The following VWF variants were observed in gnomAD, a reference collection of about 807,000 sequenced individuals.
The protein encoded by VWF is Factor VIII related antigen.
Under a neutral mutation model 308.6 loss-of-function variants are expected in VWF, and 176 were observed. The ratio of observed to expected loss-of-function variants is 0.57; its 90% CI spans 0.50 to 0.65. The LOEUF (loss-of-function observed/expected upper bound fraction) is 0.65. VWF is among the 30% of genes least tolerant of loss of function. The probability of loss-of-function intolerance (pLI) is 0.00; values close to 1 mark genes in which losing one functional copy is unlikely to be tolerated. For synonymous variants in VWF, 1,385 were observed against 1,443.4 expected (o/e 0.96, Z 0.92); for missense variants, 3,146 against 3,648.2 (o/e 0.86, Z 3.55).
chr12:6,059,127 T>C (rs1428851858), intron 13 of VWF, among the ~76,000 whole-genome samples: 4 of 152,168 alleles, frequency 2.6e-5, no homozygotes, highest in African/African-American at 9.7e-5. Context: ...AAGTAAACAC[T>C]GTTAAGAAAG....
At chr12:6,038,384 CAG>C (rs908483342) in intron 18 of VWF, among the ~76,000 whole-genome samples, 1 of 152,244 alleles carries the variant, frequency 6.6e-6, no homozygotes, top group Non-Finnish European at 1.5e-5. Context: ...CTCCAGGAAA[CAG>C]AGCCAGGCTC....
intron 3 of VWF, among the ~76,000 whole-genome samples, chr12:6,115,576 C>T (rs976287263): frequency 6.6e-6 from 1 of 152,288 alleles, no homozygotes; most frequent in East Asian, 1.9e-4. Context: ...TTTTTAAATG[C>T]TAGTTATAAC....
At chr12:6,066,859 A>C (rs2238106) in intron 10 of VWF, among the ~76,000 whole-genome samples, 77,462 of 152,162 alleles carry the variant, frequency 0.51, 21,296 homozygotes, top group East Asian at 0.64. Context: ...ACTGTGCAGT[A>C]CTGGACCCAG....
intron 34 of VWF, among the ~76,000 whole-genome samples, chr12:5,996,857 G>T (rs1943813709): frequency 6.6e-6 from 1 of 151,624 alleles, no homozygotes; most frequent in Non-Finnish European, 1.5e-5. Flanking sequence ...AAACATTATT[G>T]GTGAATACTG....
chr12:5,980,098 GGAAGGAAGGAAGGA>G (rs2136368484), intron 42 of VWF, among the ~76,000 whole-genome samples: 1 of 15,316 alleles, frequency 6.5e-5, no homozygotes, highest in Non-Finnish European at 1.8e-4. Context: ...AAGAAAGGAA[GGAAGGAAGGAAGGA>G]AGGAAGGAAG....
chr12:6,076,936 A>G (rs1019271973), intron 6 of VWF, among the ~76,000 whole-genome samples: 2 of 152,162 alleles, frequency 1.3e-5, no homozygotes, highest in African/African-American at 2.4e-5. Context: ...CGTTGGTCCT[A>G]AGGAAATCAG....
chr12:5,998,786 G>A (rs1224543101), intron 34 of VWF, among the ~76,000 whole-genome samples: 1 of 151,964 alleles, frequency 6.6e-6, no homozygotes, highest in African/African-American at 2.4e-5. Flanking sequence ...AGAGCGCAAT[G>A]GCGCGATCTT....
chr12:6,028,076 G>A (rs1026963050), intron 22 of VWF, among the ~76,000 whole-genome samples: 11 of 152,160 alleles, frequency 7.2e-5, no homozygotes, highest in African/African-American at 2.7e-4. Flanking sequence ...AAAATGGATG[G>A]TGTTATCAGG....
chr12:6,102,404 T>C (rs1392686583), intron 5 of VWF, among the ~76,000 whole-genome samples: 1 of 150,588 alleles, frequency 6.6e-6, no homozygotes, highest in East Asian at 2.0e-4. Flanking sequence ...ATTGCTCTGC[T>C]GCACTCCAGA....
chr12:6,117,687 C>T (rs548909963), intron 3 of VWF, among the ~76,000 whole-genome samples: 22 of 152,220 alleles, frequency 1.4e-4, no homozygotes, highest in Admixed American at 6.5e-4. Flanking sequence ...TGGTGGCGCA[C>T]GCCTGTAATC....
chr12:5,982,420 C>T (rs1368520813), intron 41 of VWF, among the ~76,000 whole-genome samples: 4 of 152,294 alleles, frequency 2.6e-5, no homozygotes, highest in Non-Finnish European at 4.4e-5. Context: ...GAACAATACC[C>T]TACACTTTAG....
In VWF at chr12:6,038,674, C is replaced by T. The variant is rs868016800; in HGVS notation, c.2443-2183G>A. ...CCTTCTGAGCACCCACTGCAAACCACGTGGCTGCTCTCTGCCGACTCGTGT... is the reference window on the plus strand; with the variant it reads ...CCTTCTGAGCACCCACTGCAAACCATGTGGCTGCTCTCTGCCGACTCGTGT... On this transcript the variant is annotated intron_variant, in intron 18 of 51. Coordinates refer to ENST00000261405, the MANE Select transcript of VWF (RefSeq NM_000552.5). Among the ~76,000 whole-genome samples, 12 of 152,318 alleles carry T rather than the reference C, an allele frequency of 7.9e-5. No homozygotes were observed. The South Asian group carries it at 2.3e-3, about 29-fold the overall frequency.
intron 44 of VWF, among the ~76,000 whole-genome samples, chr12:5,970,115 T>G (rs571334490): frequency 2.6e-5 from 4 of 152,188 alleles, no homozygotes; most frequent in African/African-American, 9.6e-5. Flanking sequence ...TTGCAGCCAT[T>G]CTCTTCACCC....
intron 44 of VWF, among the ~76,000 whole-genome samples, chr12:5,971,261 T>C (rs1046345859): frequency 2.8e-4 from 42 of 152,182 alleles, no homozygotes; most frequent in African/African-American, 9.6e-4. Flanking sequence ...TCCAGAACAG[T>C]ACTTGCAGCC....
chr12:6,083,878 G>C (rs1276327153), intron 6 of VWF, among the ~76,000 whole-genome samples: 1 of 152,164 alleles, frequency 6.6e-6, no homozygotes, highest in African/African-American at 2.4e-5. Flanking sequence ...TTCTTCCTTA[G>C]TCCCTTCTCT....
intron 14 of VWF, among the ~76,000 whole-genome samples, chr12:6,057,311 A>ATTTTTTTTTTATTT (rs1555198303): frequency 1.0e-4 from 13 of 129,428 alleles, no homozygotes; most frequent in Non-Finnish European, 1.9e-4. Context: ...GGACTATGGA[A>ATTTTTTTTTTATTT]TTTTTTTTTT....
rs572726718 is a variant in VWF at position 6,086,242 on chromosome 12, G to C, written c.657+9218C>G. On this transcript the variant is annotated intron_variant, in intron 6 of 51. Transcript: ENST00000261405. ...ATTCTTGGACCTCACTAAAGCACTT[G>C]AAATAAGTCCTCATTCCTTAGCCTA... is the stretch of plus-strand genomic sequence containing the variant. Among the ~76,000 whole-genome samples the C allele has an allele frequency of 3.4e-4, 52 of 152,324 alleles. 1 individual carries two copies. In the South Asian group the frequency reaches 0.011, roughly 31 times the overall value.
intron 38 of VWF, 132 bp downstream of exon 38, chr12:5,991,687 C>G (rs1479643175): frequency 1.5e-5 from 14 of 929,710 alleles, no homozygotes; most frequent in Non-Finnish European, 2.2e-5. Context: ...TACTGCCTCC[C>G]TATCCCTAAT....
At position 6,118,756 on chromosome 12, in the gene VWF, GTCTGTATCAGC is replaced by G. The variant is rs570913572; in HGVS notation, c.220+2407_220+2417del. On this transcript the variant is annotated intron_variant, in intron 3 of 51. Transcript: ENST00000261405. ...AACCCCAGAGCCATCACAGGTAGTG[GTCTGTATCAGC>G]TCTGCCGTGATTTATAAAATGGGAA... is the stretch of plus-strand genomic sequence containing the variant. Among the ~76,000 whole-genome samples the G allele has an allele frequency of 1.1e-3, 173 of 152,218 alleles. 2 individuals carry two copies. In the South Asian group the frequency reaches 0.035, roughly 31 times the overall value.
Sources: allele counts gnomAD v4.1 joint callset (sites outside exome capture counted in the v4.1 genomes callset), GRCh38; gene constraint gnomAD v4.1.1; transcripts MANE v1.5; gene names NCBI Gene and HGNC (gene_info 2026-07-23, HGNC 2026-07-21).